SMOC1: variants seen among roughly 807,000 people sequenced by gnomAD.
The protein encoded by SMOC1 is SPARC related modular calcium binding 1, also known as SPARC-related modular calcium-binding protein 1.
In SMOC1, 22 loss-of-function variants were observed where a neutral mutation model predicts 56.3. The ratio of observed to expected loss-of-function variants is 0.39; its 90% CI spans 0.28 to 0.56. The LOEUF is 0.56. Among genes scored for constraint, SMOC1 ranks in the 20% least tolerant of loss-of-function variants. The pLI, the probability that SMOC1 is intolerant of heterozygous loss-of-function variation, is 0.61. For synonymous variants in SMOC1, 193 were observed against 215.0 expected, an observed-to-expected ratio of 0.90 and a Z score of 0.89; for missense variants, 509 against 565.4, an observed-to-expected ratio of 0.90 and a Z score of 1.01.
chr14:69,897,777 G>T (rs1454666619), intron 1 of SMOC1, among the ~76,000 whole-genome samples: 1 of 152,016 alleles, frequency 6.6e-6, no homozygotes, highest in Admixed American at 6.5e-5. Context: ...GGACTACATT[G>T]TTGCTAATAT....
At chr14:70,026,341 C>T (rs112941667) in intron 11 of SMOC1, among the ~76,000 whole-genome samples, 4 of 152,306 alleles carry the variant, frequency 2.6e-5, no homozygotes, top group African/African-American at 9.6e-5. Flanking sequence ...CTGGTCTGCA[C>T]AGCACACGGA....
chr14:69,937,531 A>G lies in SMOC1; in HGVS notation c.100-14607A>G, dbSNP rs566395524. 5.3e-5 allele frequency among the ~76,000 whole-genome samples: 8 copies of G among 152,224 alleles called. No individual in the cohort carries two copies. In the East Asian group the frequency reaches 1.4e-3, roughly 26 times the overall value. ...CTTTTCCTTGGCCCAGTTTGGGTCA[A>G]CAGGATTTCTCTCCTGCTCAGAACA... On this transcript the variant is annotated intron_variant, in intron 1 of 11. Coordinates refer to ENST00000361956, the MANE Select transcript of SMOC1 (RefSeq NM_001034852.3).
intron 1 of SMOC1, among the ~76,000 whole-genome samples, chr14:69,936,453 T>A (rs1885297801): frequency 6.6e-6 from 1 of 152,234 alleles, no homozygotes; most frequent in Admixed American, 6.5e-5. Flanking sequence ...AGTTGTTCTG[T>A]GCTGAACTGA....
At chr14:70,017,661 A>T (rs886550705) in intron 10 of SMOC1, among the ~76,000 whole-genome samples, 5 of 152,078 alleles carry the variant, frequency 3.3e-5, no homozygotes, top group Admixed American at 3.3e-4. Context: ...AGGCATGGAG[A>T]TGTTGGCTTT....
chr14:70,029,161 C>T (rs1285248346), intron 11 of SMOC1, among the ~76,000 whole-genome samples: 1 of 152,162 alleles, frequency 6.6e-6, no homozygotes. Flanking sequence ...GATGTGCTTG[C>T]CCCCAGCTCC....
intron 8 of SMOC1, among the ~76,000 whole-genome samples, 159 bp downstream of exon 8, chr14:70,011,105 C>T (rs1885320855): frequency 6.6e-6 from 1 of 152,154 alleles, no homozygotes; most frequent in Non-Finnish European, 1.5e-5. Context: ...GACCCTGGGA[C>T]CTGGATTCTG....
chr14:70,018,081 G>A (rs1885581988), intron 10 of SMOC1, among the ~76,000 whole-genome samples: 1 of 152,174 alleles, frequency 6.6e-6, no homozygotes, highest in Admixed American at 6.5e-5. Context: ...AGGCTGCAGA[G>A]TTGAGCAGAG....
rs768485127 is a variant in SMOC1, at chr14:69,994,524, T to C, written c.664+44T>C. ...ATTATATATGTACCCAGTCCATCCTTCCTTGCCCCGTGGTTCTGTGACTAC... is the reference window on the plus strand; with the variant it reads ...ATTATATATGTACCCAGTCCATCCTCCCTTGCCCCGTGGTTCTGTGACTAC... On this transcript the variant is annotated intron_variant, in intron 7 of 11. Transcript: ENST00000361956. The C allele has an allele frequency of 5.4e-6, 8 of 1,494,460 alleles. No individual in the cohort carries two copies. In the African/African-American group the frequency reaches 9.7e-5, roughly 18 times the overall value. The allele number at this position is 1,494,460 out of a possible 1,614,324, so 92.6% of individuals were successfully genotyped here.
intron 3 of SMOC1, among the ~76,000 whole-genome samples, chr14:69,962,112 A>G (rs1021936304): frequency 4.0e-5 from 6 of 151,434 alleles, no homozygotes; most frequent in African/African-American, 1.5e-4. Context: ...TTATCTTTTC[A>G]TTATTGAGTT....
At chr14:69,975,513 G>T (rs227445) in intron 3 of SMOC1, among the ~76,000 whole-genome samples, 6,016 of 152,244 alleles carry the variant, frequency 0.04, 231 homozygotes, top group African/African-American at 0.097. Flanking sequence ...TGTGGTTTGC[G>T]TGGGAGTCCC....
chr14:69,888,622 T>C (rs1275492793), intron 1 of SMOC1, among the ~76,000 whole-genome samples: 1 of 152,220 alleles, frequency 6.6e-6, no homozygotes, highest in Non-Finnish European at 1.5e-5. Context: ...CCTTAAAATC[T>C]ATTTTACACT....
At chr14:70,010,664 C>G (rs1885301419) in intron 7 of SMOC1, 90 bp from the exon 8 acceptor site, 6 of 1,410,222 alleles carry the variant, frequency 4.3e-6, no homozygotes, top group Non-Finnish European at 6.0e-6. Flanking sequence ...AGGCCTGGTC[C>G]TTGCTACTTA....
At chr14:69,910,377 T>G (rs1009343974) in intron 1 of SMOC1, among the ~76,000 whole-genome samples, 1 of 152,158 alleles carries the variant, frequency 6.6e-6, no homozygotes, top group African/African-American at 2.4e-5. Context: ...CACAGCAAGA[T>G]TCAGGTCACC....
At chr14:69,892,090 G>A (rs1299753371) in intron 1 of SMOC1, among the ~76,000 whole-genome samples, 1 of 152,198 alleles carries the variant, frequency 6.6e-6, no homozygotes, top group African/African-American at 2.4e-5. Context: ...GAAAGGACGA[G>A]GGTTTCAATC....
chr14:69,905,544 G>A (rs567018116), intron 1 of SMOC1, among the ~76,000 whole-genome samples: 8 of 152,174 alleles, frequency 5.3e-5, no homozygotes, highest in Non-Finnish European at 1.2e-4. Context: ...GAAAGATCAA[G>A]CAGTGAGTAG....
In SMOC1 at chr14:69,879,747, T is replaced by C. The variant is rs1168299881; in HGVS notation, c.69T>C (p.Pro23=). The change falls in exon 1 of 12, where the codon CCT becomes CCC. Residue 23 remains proline, a synonymous_variant. Coordinates refer to ENST00000361956, the MANE Select transcript of SMOC1 (RefSeq NM_001034852.3). The part of the protein sequence containing the change: ...HLLLVLVQLS[P]ARGHRTTGPR... ...TGCTGGTGTTGGTGCAGCTGTCCCC[T>C]GCTCGCGGCCACCGCACCACAGGCC... 2 of 1,593,204 alleles carry C rather than the reference T, an allele frequency of 1.3e-6. No individual in the cohort carries two copies. The highest frequency in any genetic ancestry group is 1.1e-5 in the South Asian group (1 of 89,296).
intron 1 of SMOC1, among the ~76,000 whole-genome samples, chr14:69,897,579 A>C (rs1884132589): frequency 6.6e-6 from 1 of 152,046 alleles, no homozygotes; most frequent in South Asian, 2.1e-4. Flanking sequence ...AAAAAAAAAA[A>C]AACTTTTCGA....
At chr14:69,928,167 G>A (rs1370986572) in intron 1 of SMOC1, among the ~76,000 whole-genome samples, 1 of 152,200 alleles carries the variant, frequency 6.6e-6, no homozygotes, top group Non-Finnish European at 1.5e-5. Context: ...GAATCTTCAG[G>A]CTGGCACCCA....
chr14:69,917,184 A>G (rs1215867641), intron 1 of SMOC1, among the ~76,000 whole-genome samples: 1 of 152,236 alleles, frequency 6.6e-6, no homozygotes, highest in East Asian at 1.9e-4. Flanking sequence ...TGCAAATGGT[A>G]ACAGCTCACT....
Sources: allele counts gnomAD v4.1 joint callset (sites outside exome capture counted in the v4.1 genomes callset), GRCh38; gene constraint gnomAD v4.1.1; transcripts MANE v1.5; gene names NCBI Gene and HGNC (gene_info 2026-07-23, HGNC 2026-07-21).